The following TBCEL variants were observed in gnomAD, a reference collection of about 807,000 sequenced individuals.
TBCEL encodes the protein tubulin folding cofactor E like.
Under a neutral mutation model 44.2 loss-of-function variants are expected in TBCEL, and 15 were observed. The observed-to-expected ratio is 0.34, with a 90% confidence interval of 0.23 to 0.52. TBCEL has a LOEUF of 0.52. Among genes scored for constraint, TBCEL ranks in the 20% least tolerant of loss-of-function variants. TBCEL has a pLI of 0.95. For synonymous variants in TBCEL, 171 were observed against 185.4 expected (o/e 0.92, Z 0.63); for missense variants, 319 against 506.3 (o/e 0.63, Z 3.55).
In TBCEL at chr11:121,087,237, T is replaced by C. The variant is rs1245079418; in HGVS notation, c.*141T>C. On this transcript the variant is annotated 3_prime_UTR_variant, in exon 9 of 9. Coordinates refer to ENST00000683345, the MANE Select transcript of TBCEL (RefSeq NM_001363644.2). ...GTTTGGGAAGGATTTTGTATATTTT[T>C]CCCCCTGGAGTGAGTAGGGGCCATT... 2.1e-6 allele frequency: 2 copies of C among 939,996 alleles called. No homozygotes were observed. The highest frequency in any genetic ancestry group is 3.1e-6 in the Non-Finnish European group (2 of 648,334). 58.2% of individuals were successfully genotyped at this position (939,996 alleles called of 1,614,324 possible). A position where few individuals can be genotyped will look rare whatever the true frequency, so the allele number is the denominator to read the frequency against.
In TBCEL at chr11:121,087,252, T is replaced by G; in HGVS notation, c.*156T>G. The G allele has an allele frequency of 1.3e-6, 1 of 745,804 alleles. No homozygotes were observed. The allele number at this position is 745,804 out of a possible 1,614,324, so 46.2% of individuals were successfully genotyped here. A position where few individuals can be genotyped will look rare whatever the true frequency, so the allele number is the denominator to read the frequency against. ...TGTATATTTTTCCCCCTGGAGTGAG[T>G]AGGGGCCATTTTTGGGTGTTTTCTA... is the stretch of plus-strand genomic sequence containing the variant. On this transcript the variant is annotated 3_prime_UTR_variant, in exon 9 of 9. Coordinates refer to ENST00000683345, the MANE Select transcript of TBCEL (RefSeq NM_001363644.2).
chr11:121,080,884 T>C (rs1430822520), intron 8 of TBCEL, among the ~76,000 whole-genome samples: 1 of 152,198 alleles, frequency 6.6e-6, no homozygotes, highest in Non-Finnish European at 1.5e-5. Flanking sequence ...TCTGCTGTTA[T>C]GTAACATTAG....
chr11:121,025,747 G>T (rs1945035483), intron 1 of TBCEL, among the ~76,000 whole-genome samples: 1 of 151,588 alleles, frequency 6.6e-6, no homozygotes, highest in African/African-American at 2.4e-5. Context: ...TTTTGGCCGG[G>T]GGAGAGGGAG....
At chr11:121,060,768 T>A (rs71486351) in intron 8 of TBCEL, among the ~76,000 whole-genome samples, 1 of 151,870 alleles carries the variant, frequency 6.6e-6, no homozygotes, top group Non-Finnish European at 1.5e-5. Flanking sequence ...CTAGAATCGG[T>A]TATTGGAAAA....
At chr11:121,056,760 G>T (rs7947565) in intron 6 of TBCEL, among the ~76,000 whole-genome samples, 27,075 of 151,750 alleles carry the variant, frequency 0.18, 2,520 homozygotes, top group East Asian at 0.33. Context: ...ATGCTTGTTT[G>T]CTATCAGTAT....
At chr11:121,031,437 C>T (rs1945141486) in intron 1 of TBCEL, among the ~76,000 whole-genome samples, 2 of 152,022 alleles carry the variant, frequency 1.3e-5, no homozygotes, top group South Asian at 4.1e-4. Flanking sequence ...AATTATTGAA[C>T]GTGAGCATCT....
At chr11:121,050,220 G>A (rs1415672710) in intron 4 of TBCEL, among the ~76,000 whole-genome samples, 1 of 151,602 alleles carries the variant, frequency 6.6e-6, no homozygotes, top group Non-Finnish European at 1.5e-5. Context: ...CCTGTTTTAG[G>A]ACATTACATT....
intron 2 of TBCEL, among the ~76,000 whole-genome samples, chr11:121,042,478 A>C (rs1319212107): frequency 6.6e-6 from 1 of 152,164 alleles, no homozygotes; most frequent in African/African-American, 2.4e-5. Flanking sequence ...CAGTGTTGGA[A>C]TAGAGGGCAG....
intron 8 of TBCEL, among the ~76,000 whole-genome samples, chr11:121,068,714 T>C (rs1428785322): frequency 6.6e-6 from 1 of 151,652 alleles, no homozygotes; most frequent in East Asian, 1.9e-4. Context: ...AGAGACCCTG[T>C]CTCTACTAAA....
intron 8 of TBCEL, among the ~76,000 whole-genome samples, chr11:121,082,348 A>G (rs1190627453): frequency 6.6e-6 from 1 of 152,054 alleles, no homozygotes; most frequent in Non-Finnish European, 1.5e-5. Context: ...TCTTTCTTAT[A>G]CTTTTCATGT....
At chr11:121,035,524 G>A (rs1159368186) in intron 1 of TBCEL, 1 of 150,014 alleles carries the variant, frequency 6.7e-6, no homozygotes, top group African/African-American at 2.5e-5. Flanking sequence ...ATGCGTGATT[G>A]ATGTTTCAAC....
chr11:121,057,718 C>A, intron 6 of TBCEL: 1 of 412,988 alleles, frequency 2.4e-6, no homozygotes, highest in Non-Finnish European at 4.8e-6. Context: ...TTAAAAGTAA[C>A]CTAGAGATAA....
chr11:121,078,073 A>C (rs1946062865), intron 8 of TBCEL, among the ~76,000 whole-genome samples: 1 of 152,062 alleles, frequency 6.6e-6, no homozygotes, highest in Non-Finnish European at 1.5e-5. Context: ...AGTATCTCAT[A>C]TGCAGTAGAA....
chr11:121,086,404 A>G (rs1445098063), intron 8 of TBCEL, among the ~76,000 whole-genome samples: 1 of 152,122 alleles, frequency 6.6e-6, no homozygotes, highest in African/African-American at 2.4e-5. Context: ...ATCTATTCCC[A>G]AGGGGTACAT....
intron 8 of TBCEL, among the ~76,000 whole-genome samples, chr11:121,069,894 G>A (rs537635698): frequency 1.9e-4 from 29 of 152,252 alleles, no homozygotes; most frequent in African/African-American, 5.3e-4. Context: ...TGCTGTGCTC[G>A]GACAGTAGGG....
intron 8 of TBCEL, 59 bp downstream of exon 8, chr11:121,060,144 T>C: frequency 8.1e-7 from 1 of 1,239,092 alleles, no homozygotes; most frequent in Admixed American, 1.8e-5. Context: ...TTAAGAACTC[T>C]AGTGTTAGAG....
chr11:121,038,229 T>C (rs182086060), intron 2 of TBCEL, among the ~76,000 whole-genome samples: 2 of 152,208 alleles, frequency 1.3e-5, no homozygotes, highest in African/African-American at 4.8e-5. Flanking sequence ...CTCCCAAAGT[T>C]CTTGGATTAC....
chr11:121,078,905 A>G (rs1591419422), intron 8 of TBCEL, among the ~76,000 whole-genome samples: 1 of 152,156 alleles, frequency 6.6e-6, no homozygotes, highest in African/African-American at 2.4e-5. Flanking sequence ...TTTTTACTCT[A>G]TGTTTGGAGC....
In TBCEL at chr11:121,087,109, T is replaced by TGTA; in HGVS notation, c.*13_*14insGTA. Reference sequence around the variant, plus strand: ...CAAAACAAAATAACCTCTACCAGCCTTGTGAAAAACATACACATAAGGACT... The same window carrying TGTA: ...CAAAACAAAATAACCTCTACCAGCCTGTATGTGAAAAACATACACATAAGGACT... On this transcript the variant is annotated 3_prime_UTR_variant, in exon 9 of 9. Transcript: ENST00000683345. 6.3e-7 allele frequency: 1 copy of TGTA among 1,599,020 alleles called. No homozygotes were observed. The highest frequency in any genetic ancestry group is 1.4e-5 in the African/African-American group (1 of 70,074).
Sources: gnomAD v4.1 joint callset for allele counts (sites outside exome capture counted in the v4.1 genomes callset) on GRCh38, gnomAD v4.1.1 for gene constraint, MANE v1.5 for transcripts, NCBI Gene and HGNC (gene_info 2026-07-23, HGNC 2026-07-21) for gene names.